Variants in WDPCP observed in about 807,000 individuals in gnomAD.
The protein encoded by WDPCP is WD repeat containing planar cell polarity effector, also known as WD repeat-containing and planar cell polarity effector protein fritz homolog.
Under a neutral mutation model 93.1 loss-of-function variants are expected in WDPCP, and 71 were observed. That is an observed-to-expected ratio of 0.76 (90% CI 0.63 to 0.93). The LOEUF (loss-of-function observed/expected upper bound fraction) is 0.93, where lower values mean the gene tolerates loss of function less well. Among genes scored for constraint, WDPCP ranks in the 40% least tolerant of loss-of-function variants. WDPCP has a pLI of 0.00. For synonymous variants in WDPCP, 315 were observed against 315.0 expected, an observed-to-expected ratio of 1.00 and a Z score of 0.00; for missense variants, 844 against 887.4, an observed-to-expected ratio of 0.95 and a Z score of 0.62.
intron 1 of WDPCP, among the ~76,000 whole-genome samples, chr2:63,547,887 T>C (rs994154803): frequency 1.3e-5 from 2 of 152,106 alleles, no homozygotes; most frequent in East Asian, 3.9e-4. Flanking sequence ...AGAATGACTA[T>C]ACTTAACAGT....
chr2:63,561,641 C>T (rs752035960), intron 1 of WDPCP, among the ~76,000 whole-genome samples: 26 of 151,954 alleles, frequency 1.7e-4, no homozygotes, highest in South Asian at 6.2e-4. Flanking sequence ...TGACAAAGGT[C>T]TAATATCTAG....
intron 4 of WDPCP, 67 bp from the exon 5 acceptor site, chr2:63,485,054 G>T: frequency 1.3e-6 from 2 of 1,548,592 alleles, no homozygotes; most frequent in Non-Finnish European, 1.8e-6. Context: ...GCTTAGCAGT[G>T]TGCCTTAGGG....
intron 13 of WDPCP, among the ~76,000 whole-genome samples, chr2:63,294,153 C>T (rs1684658301): frequency 6.6e-6 from 1 of 152,300 alleles, no homozygotes; most frequent in African/African-American, 2.4e-5. Context: ...CTAAGTAATA[C>T]TACCAGTAGA....
chr2:63,396,592 G>A (rs543939845), intron 10 of WDPCP, among the ~76,000 whole-genome samples: 1 of 152,074 alleles, frequency 6.6e-6, no homozygotes, highest in Non-Finnish European at 1.5e-5. Flanking sequence ...CTACACTAGT[G>A]CAACTCAGCT....
intron 3 of WDPCP, chr2:63,597,235 G>T: frequency 1.0e-6 from 1 of 952,542 alleles, no homozygotes; most frequent in Non-Finnish European, 1.2e-6. Flanking sequence ...TGTTATGATT[G>T]TTAAATTAAT....
chr2:63,789,306 A>C (rs114610583), intron 2 of WDPCP, among the ~76,000 whole-genome samples: 114 of 152,176 alleles, frequency 7.5e-4, no homozygotes, highest in African/African-American at 2.6e-3. Context: ...TCTGCAATTA[A>C]GTATTTTTTT....
chr2:63,555,454 TC>T (rs1225721946), intron 1 of WDPCP, among the ~76,000 whole-genome samples: 2 of 152,124 alleles, frequency 1.3e-5, no homozygotes, highest in Non-Finnish European at 2.9e-5. Context: ...CCAGTGGGAT[TC>T]CCCCCAGTGC....
chr2:63,610,736 C>G (rs1709605458), intron 3 of WDPCP, among the ~76,000 whole-genome samples: 1 of 152,120 alleles, frequency 6.6e-6, no homozygotes, highest in Non-Finnish European at 1.5e-5. Flanking sequence ...CCCTTTTGTA[C>G]ATAAATTATA....
At chr2:63,775,005 C>T (rs2103956381) in intron 2 of WDPCP, among the ~76,000 whole-genome samples, 1 of 152,218 alleles carries the variant, frequency 6.6e-6, no homozygotes, top group African/African-American at 2.4e-5. Flanking sequence ...GGTGGAATGA[C>T]TCTGTTAGGC....
At chr2:63,733,798 A>G (rs1669599037) in intron 2 of WDPCP, among the ~76,000 whole-genome samples, 2 of 152,148 alleles carry the variant, frequency 1.3e-5, no homozygotes, top group Admixed American at 6.5e-5. Context: ...GAAAGTGTAC[A>G]ATTCAGTGGC....
chr2:63,140,807 T>C (rs963719708), intron 17 of WDPCP, among the ~76,000 whole-genome samples: 3 of 152,196 alleles, frequency 2.0e-5, no homozygotes, highest in Non-Finnish European at 2.9e-5. Context: ...CCTTTATTTC[T>C]TTCTCTTGTC....
At chr2:63,165,040 TTAA>T (rs1178729751) in intron 15 of WDPCP, among the ~76,000 whole-genome samples, 1 of 152,104 alleles carries the variant, frequency 6.6e-6, no homozygotes, top group African/African-American at 2.4e-5. Context: ...AGTAATTACA[TTAA>T]TAATAAATGG....
chr2:63,199,031 C>G (rs1306533397), intron 14 of WDPCP, among the ~76,000 whole-genome samples: 1 of 152,088 alleles, frequency 6.6e-6, no homozygotes, highest in Non-Finnish European at 1.5e-5. Flanking sequence ...GCATTGTGCC[C>G]CTGCTCTGGG....
At chr2:63,432,049 C>G (rs1696802421) in intron 9 of WDPCP, among the ~76,000 whole-genome samples, 1 of 151,952 alleles carries the variant, frequency 6.6e-6, no homozygotes, top group African/African-American at 2.4e-5. Context: ...AAAATCTACC[C>G]TCCTTAAAAG....
rs373247460 is a variant in WDPCP at position 63,439,814 on chromosome 2, T to G, written c.442A>C (p.Lys148Gln). 5 of 1,613,134 alleles carry G rather than the reference T, an allele frequency of 3.1e-6. No homozygotes were observed. Among genetic ancestry groups the G allele is most frequent in the Non-Finnish European group, 4.2e-6 (5 of 1,179,404 alleles). The change falls in exon 7 of 18, where the codon AAA becomes CAA. Residue 148 changes from lysine to glutamine, a missense_variant. Coordinates refer to ENST00000272321, the MANE Select transcript of WDPCP (RefSeq NM_015910.7). ...SLSLSGPQLE[K>Q]VVIDRSLVGK... ...ACCAGGCTTCTGTCAATCACCACTT[T>G]CTCCAGCTGCGGCCCAGAAAGGCTT...
chr2:63,607,110 T>C (rs1394111177), intron 3 of WDPCP: 23 of 965,190 alleles, frequency 2.4e-5, no homozygotes, highest in Non-Finnish European at 3.2e-5. Flanking sequence ...ATTTTAAAGA[T>C]TACGTGCTTC....
At position 63,398,648 on chromosome 2, in the gene WDPCP, C is replaced by T. The variant is rs191237167; in HGVS notation, c.1435+5400G>A. On this transcript the variant is annotated intron_variant, in intron 10 of 17. Coordinates refer to ENST00000272321, the MANE Select transcript of WDPCP (RefSeq NM_015910.7). ...AGCATATTGGCATTAGGCACTGTCA[C>T]GTTTACATATGAAAGCATTCTATTT... 8.7e-4 allele frequency among the ~76,000 whole-genome samples: 132 copies of T among 152,184 alleles called. No homozygotes were observed. In the Middle Eastern group the frequency reaches 0.02, roughly 24 times the overall value.
At chr2:63,797,669 C>T (rs1327571453) in intron 2 of WDPCP, among the ~76,000 whole-genome samples, 1 of 151,556 alleles carries the variant, frequency 6.6e-6, no homozygotes, top group Admixed American at 6.6e-5. Context: ...GAATAAAGCA[C>T]ACCTACAAAA....
chr2:63,257,168 T>C (rs1681222075), intron 14 of WDPCP, among the ~76,000 whole-genome samples: 1 of 152,198 alleles, frequency 6.6e-6, no homozygotes, highest in Non-Finnish European at 1.5e-5. Flanking sequence ...GCAGTATTTA[T>C]GTCTGATGCT....
Sources: allele counts gnomAD v4.1 joint callset (sites outside exome capture counted in the v4.1 genomes callset), GRCh38; gene constraint gnomAD v4.1.1; transcripts MANE v1.5; gene names NCBI Gene and HGNC (gene_info 2026-07-23, HGNC 2026-07-21).